TSHZ2: variants seen among roughly 807,000 people sequenced by gnomAD.
The protein encoded by TSHZ2 is teashirt homolog 2.
TSHZ2 carries 21 observed loss-of-function variants against 74.4 expected under a neutral mutation model. The ratio of observed to expected loss-of-function variants is 0.28; its 90% CI spans 0.20 to 0.41. The LOEUF (loss-of-function observed/expected upper bound fraction) is 0.41, where lower values mean the gene tolerates loss of function less well. Ranked by LOEUF, TSHZ2 falls within the 10% of genes least tolerant of loss-of-function variation. The pLI, the probability that TSHZ2 is intolerant of heterozygous loss-of-function variation, is 1.00. For missense variants in TSHZ2, 1,244 were observed against 1,293.5 expected (o/e 0.96, Z 0.59); for synonymous variants, 540 against 515.3 (o/e 1.05, Z -0.65).
chr20:53,371,641 C>T (rs182363112), intron 2 of TSHZ2, among the ~76,000 whole-genome samples: 20 of 152,198 alleles, frequency 1.3e-4, no homozygotes, highest in Non-Finnish European at 1.0e-4. Flanking sequence ...TTTGGGAGGC[C>T]GAAGTGGGCG....
intron 2 of TSHZ2, among the ~76,000 whole-genome samples, chr20:53,300,306 A>G (rs1361071976): frequency 6.6e-6 from 1 of 152,256 alleles, no homozygotes; most frequent in Non-Finnish European, 1.5e-5. Context: ...CAGGATCTGC[A>G]AGATAACTAA....
At chr20:53,397,660 T>A (rs1982502121) in intron 2 of TSHZ2, 1 of 152,226 alleles carries the variant, frequency 6.6e-6, no homozygotes, top group Non-Finnish European at 1.5e-5. Context: ...CATGCTGCTA[T>A]AAAGACATAT....
At chr20:53,078,225 G>A (rs1212600350) in intron 1 of TSHZ2, among the ~76,000 whole-genome samples, 2 of 152,170 alleles carry the variant, frequency 1.3e-5, no homozygotes, top group Admixed American at 1.3e-4. Flanking sequence ...TGAGTAAAGA[G>A]TTTTGCACTT....
chr20:53,291,232 G>A (rs113531858), intron 2 of TSHZ2, among the ~76,000 whole-genome samples: 6,232 of 152,184 alleles, frequency 0.041, 431 homozygotes, highest in African/African-American at 0.14. Context: ...AGCACCTTGG[G>A]AGGCCGAGAT....
chr20:53,221,038 A>G (rs1311956274), intron 1 of TSHZ2, among the ~76,000 whole-genome samples: 1 of 152,222 alleles, frequency 6.6e-6, no homozygotes, highest in Non-Finnish European at 1.5e-5. Context: ...GGGACCCAGT[A>G]GGAGATAACT....
At chr20:53,284,966 C>T (rs192125576) in intron 2 of TSHZ2, among the ~76,000 whole-genome samples, 115 of 152,226 alleles carry the variant, frequency 7.6e-4, no homozygotes, top group African/African-American at 1.7e-3. Context: ...GTAGACATCC[C>T]GGGTCTGTCA....
intron 1 of TSHZ2, among the ~76,000 whole-genome samples, chr20:53,132,820 C>G (rs1255900888): frequency 2.0e-5 from 3 of 152,112 alleles, no homozygotes; most frequent in African/African-American, 7.2e-5. Context: ...TTAGCTTGTC[C>G]TGACATAAAA....
rs117417583 is a variant in TSHZ2, at chr20:53,428,775, C to T, written c.*9-58369C>T. ...CTGATACTCCTCTTCCACATCATGC[C>T]CCCACAGAGCCGTCTCATTCCTGGA... On this transcript the variant is annotated intron_variant, in intron 2 of 2. Transcript: ENST00000371497. Among the ~76,000 whole-genome samples, 705 of 152,266 alleles carry T rather than the reference C, an allele frequency of 4.6e-3. 9 individuals are homozygous for T. Among genetic ancestry groups the T allele is most frequent in the East Asian group, 0.015 (78 of 5,174 alleles).
chr20:53,319,078 G>T lies in TSHZ2; in HGVS notation c.*8+62507G>T, dbSNP rs144150324. Among the ~76,000 whole-genome samples the T allele has an allele frequency of 4.9e-4, 75 of 152,250 alleles. 1 individual carries two copies. The highest frequency in any genetic ancestry group is 1.7e-3 in the South Asian group (8 of 4,818). On this transcript the variant is annotated intron_variant, in intron 2 of 2. Transcript: ENST00000371497. ...CCATGATTTAATTACCTCTCACCAG[G>T]TCCCTCCCATGACATGTGCAAATTA...
intron 2 of TSHZ2, among the ~76,000 whole-genome samples, chr20:53,454,756 A>C (rs1350658944): frequency 1.3e-5 from 2 of 152,060 alleles, no homozygotes; most frequent in Admixed American, 1.3e-4. Context: ...TCTTTTGAGT[A>C]AACATAGAAA....
At chr20:53,443,862 T>A (rs930808861) in intron 2 of TSHZ2, among the ~76,000 whole-genome samples, 1 of 152,286 alleles carries the variant, frequency 6.6e-6, no homozygotes, top group Admixed American at 6.5e-5. Flanking sequence ...CAGAAGTCTC[T>A]CCACCAATGG....
intron 1 of TSHZ2, among the ~76,000 whole-genome samples, chr20:53,173,866 T>A (rs1457998027): frequency 3.3e-5 from 5 of 152,172 alleles, no homozygotes. Flanking sequence ...ACCCAGGATC[T>A]TGTTTTGTTT....
At chr20:53,384,083 AG>A (rs1412051160) in intron 2 of TSHZ2, among the ~76,000 whole-genome samples, 1 of 152,140 alleles carries the variant, frequency 6.6e-6, no homozygotes, top group Non-Finnish European at 1.5e-5. Flanking sequence ...TGCCCAGGGA[AG>A]GCCCCCAGAG....
chr20:53,257,321 A>G (rs571884159), intron 2 of TSHZ2, among the ~76,000 whole-genome samples: 22 of 152,238 alleles, frequency 1.4e-4, no homozygotes, highest in Non-Finnish European at 3.1e-4. Context: ...TTTAACAAAG[A>G]TAGAGGCAAT....
intron 2 of TSHZ2, among the ~76,000 whole-genome samples, chr20:53,305,968 A>G (rs1600801406): frequency 7.0e-6 from 1 of 142,250 alleles, no homozygotes; most frequent in East Asian, 2.0e-4. Context: ...GCAGAGCAAG[A>G]CTCTGTGAAA....
At chr20:53,473,111 G>A (rs1985878313) in intron 2 of TSHZ2, among the ~76,000 whole-genome samples, 1 of 148,574 alleles carries the variant, frequency 6.7e-6, no homozygotes, top group Non-Finnish European at 1.5e-5. Context: ...GGCTTGCTTA[G>A]GTAAACAAAG....
At chr20:53,232,035 C>T (rs946383155) in intron 1 of TSHZ2, among the ~76,000 whole-genome samples, 1 of 151,932 alleles carries the variant, frequency 6.6e-6, no homozygotes, top group Non-Finnish European at 1.5e-5. Context: ...CGGGCGCCTG[C>T]TACCACACCT....
chr20:53,002,644 A>AT (rs1471185056), intron 1 of TSHZ2, among the ~76,000 whole-genome samples: 2 of 150,808 alleles, frequency 1.3e-5, no homozygotes, highest in African/African-American at 4.9e-5. Flanking sequence ...ATTTTTATTT[A>AT]TAAAAAATAA....
intron 1 of TSHZ2, among the ~76,000 whole-genome samples, chr20:53,043,619 G>C (rs1488169576): frequency 6.6e-6 from 1 of 152,042 alleles, no homozygotes; most frequent in Admixed American, 6.6e-5. Context: ...TGCCTTCATA[G>C]ATCAAATCAA....
Sources: gnomAD v4.1 joint callset for allele counts (sites outside exome capture counted in the v4.1 genomes callset) on GRCh38, gnomAD v4.1.1 for gene constraint, MANE v1.5 for transcripts, NCBI Gene and HGNC (gene_info 2026-07-23, HGNC 2026-07-21) for gene names.